NBEA: variants seen among roughly 807,000 people sequenced by gnomAD.
NBEA encodes the protein lysosomal-trafficking regulator 2.
A neutral mutation model predicts 343.4 loss-of-function variants in NBEA; 44 were observed. The ratio of observed to expected loss-of-function variants is 0.13; its 90% CI spans 0.10 to 0.16. The LOEUF is 0.16. NBEA is among the 10% of genes least tolerant of loss of function. The pLI, the probability that NBEA is intolerant of heterozygous loss-of-function variation, is 1.00. For missense variants in NBEA, 2,555 were observed against 3,631.3 expected (o/e 0.70, Z 7.62); for synonymous variants, 1,175 against 1,238.7 (o/e 0.95, Z 1.08).
chr13:35,319,729 T>G (rs965535163), intron 36 of NBEA, among the ~76,000 whole-genome samples: 2 of 152,172 alleles, frequency 1.3e-5, no homozygotes, highest in Non-Finnish European at 2.9e-5. Context: ...GGAGTCTAAG[T>G]CTCTTTGTAA....
At chr13:35,358,084 C>T (rs933904268) in intron 38 of NBEA, among the ~76,000 whole-genome samples, 14 of 152,044 alleles carry the variant, frequency 9.2e-5, no homozygotes, top group African/African-American at 3.4e-4. Context: ...TTCAGTGGCA[C>T]GATCTCGGCT....
intron 1 of NBEA, among the ~76,000 whole-genome samples, chr13:34,951,962 A>G (rs755897198): frequency 6.6e-6 from 1 of 152,240 alleles, no homozygotes. Flanking sequence ...AACTATTTAC[A>G]GTACACTTGC....
intron 49 of NBEA, among the ~76,000 whole-genome samples, chr13:35,640,137 G>A (rs913981810): frequency 1.3e-5 from 2 of 152,144 alleles, no homozygotes; most frequent in Non-Finnish European, 2.9e-5. Flanking sequence ...TACCTTAGTA[G>A]GAAGTCTTTT....
chr13:35,085,929 TAC>T (rs1182218907), intron 10 of NBEA, among the ~76,000 whole-genome samples: 3 of 152,134 alleles, frequency 2.0e-5, no homozygotes, highest in Non-Finnish European at 4.4e-5. Context: ...AGCATTCTTA[TAC>T]ACCAATAACA....
chr13:35,578,143 C>T (rs577320318), intron 45 of NBEA, among the ~76,000 whole-genome samples: 1 of 152,194 alleles, frequency 6.6e-6, no homozygotes, highest in Non-Finnish European at 1.5e-5. Context: ...AGAAGCCAGA[C>T]AAATGAGTCA....
At chr13:35,312,051 G>A (rs1189611576) in intron 36 of NBEA, among the ~76,000 whole-genome samples, 2 of 152,144 alleles carry the variant, frequency 1.3e-5, no homozygotes, top group East Asian at 3.9e-4. Context: ...TGCAGCAAAT[G>A]TCTGTTCAAC....
intron 41 of NBEA, among the ~76,000 whole-genome samples, chr13:35,489,499 C>G (rs557935389): frequency 4.0e-5 from 6 of 151,896 alleles, no homozygotes; most frequent in Non-Finnish European, 7.4e-5. Context: ...ATGCTCTTCT[C>G]TGATCCCTAA....
intron 16 of NBEA, among the ~76,000 whole-genome samples, chr13:35,121,625 T>C (rs1367369489): frequency 1.3e-5 from 2 of 152,094 alleles, no homozygotes; most frequent in East Asian, 3.8e-4. Flanking sequence ...AAAAAAAATC[T>C]TCCAAAGGAA....
At chr13:35,557,030 A>AT (rs145256589) in intron 44 of NBEA, among the ~76,000 whole-genome samples, 3,991 of 151,838 alleles carry the variant, frequency 0.026, 177 homozygotes, top group African/African-American at 0.091. Context: ...CCATTAGGTG[A>AT]TTTTTTTTCC....
At chr13:35,063,501 T>C (rs1380162034) in intron 8 of NBEA, among the ~76,000 whole-genome samples, 2 of 151,968 alleles carry the variant, frequency 1.3e-5, no homozygotes, top group Non-Finnish European at 2.9e-5. Flanking sequence ...TAAAGAACAT[T>C]GTGACTGTTT....
chr13:34,987,014 A>G (rs1011372248), intron 1 of NBEA, among the ~76,000 whole-genome samples: 1 of 150,876 alleles, frequency 6.6e-6, no homozygotes, highest in African/African-American at 2.4e-5. Flanking sequence ...ATTTACATTT[A>G]AGGTTAATAT....
At position 35,157,274 on chromosome 13, in the gene NBEA, A is replaced by G; in HGVS notation, c.2844+4A>G. On this transcript the variant is annotated splice_donor_region_variant and intron_variant, in intron 21 of 58. Coordinates refer to ENST00000379939, the MANE Select transcript of NBEA (RefSeq NM_001385012.1). ...CCTCTCAATAGCCCATTCCAAGGTAACACGGGATTTAACATTTTAACATCA... is the reference window on the plus strand; with the variant it reads ...CCTCTCAATAGCCCATTCCAAGGTAGCACGGGATTTAACATTTTAACATCA... 1 of 1,532,114 alleles carries G rather than the reference A, an allele frequency of 6.5e-7. No individual in the cohort carries two copies. Among genetic ancestry groups the G allele is most frequent in the Admixed American group, 2.0e-5 (1 of 49,206 alleles). The allele number at this position is 1,532,114 out of a possible 1,614,324, so 94.9% of individuals were successfully genotyped here. A position where few individuals can be genotyped will look rare whatever the true frequency, so the allele number is the denominator to read the frequency against.
At chr13:35,540,947 C>CA (rs1011160947) in intron 41 of NBEA, among the ~76,000 whole-genome samples, 3 of 152,134 alleles carry the variant, frequency 2.0e-5, no homozygotes, top group African/African-American at 7.2e-5. Context: ...GTCCAAATAG[C>CA]GTCTACCTTG....
At chr13:35,578,663 T>C (rs2080863815) in intron 45 of NBEA, among the ~76,000 whole-genome samples, 1 of 152,186 alleles carries the variant, frequency 6.6e-6, no homozygotes, top group East Asian at 1.9e-4. Flanking sequence ...AGAAAATGGA[T>C]GTGAAGACAA....
chr13:35,422,882 A>G (rs1272042523), intron 38 of NBEA, among the ~76,000 whole-genome samples: 2 of 152,052 alleles, frequency 1.3e-5, no homozygotes, highest in Non-Finnish European at 2.9e-5. Context: ...TTTGATTTGC[A>G]TTTCTCTGAT....
chr13:35,055,179 A>G (rs569261131), intron 6 of NBEA, among the ~76,000 whole-genome samples: 14 of 152,208 alleles, frequency 9.2e-5, no homozygotes, highest in Admixed American at 6.5e-4. Context: ...CAGAAAGCAT[A>G]CTTGTTCAAA....
chr13:35,589,924 C>T lies in NBEA; in HGVS notation c.7177-3404C>T, dbSNP rs144461306. On this transcript the variant is annotated intron_variant, in intron 46 of 58. Transcript: ENST00000379939. Reference sequence around the variant, plus strand: ...TGGCCATTTATATTGCAGGACCTAACCTGAACTTTGTAAAGACTAACGAGT... The same window carrying T: ...TGGCCATTTATATTGCAGGACCTAATCTGAACTTTGTAAAGACTAACGAGT... Among the ~76,000 whole-genome samples, 249 of 152,158 alleles carry T rather than the reference C, an allele frequency of 1.6e-3. 1 individual carries two copies. Among genetic ancestry groups the T allele is most frequent in the African/African-American group, 5.4e-3 (226 of 41,546 alleles).
intron 47 of NBEA, among the ~76,000 whole-genome samples, chr13:35,597,466 A>G (rs1457546436): frequency 6.6e-5 from 10 of 152,188 alleles, no homozygotes; most frequent in Admixed American, 6.6e-5. Flanking sequence ...TAAGCATGCA[A>G]TCTAGTGTCT....
In NBEA at chr13:35,110,311, C is replaced by T. The variant is rs2066138480; in HGVS notation, c.1834-499C>T. Among the ~76,000 whole-genome samples, 5 of 151,104 alleles carry T rather than the reference C, an allele frequency of 3.3e-5. No homozygotes were observed. In the Admixed American group the frequency reaches 3.3e-4, roughly 10 times the overall value. ...GTGTCTGACATGCCATCTCTATGCTCACATGGTCAGATTGTGAAAGCGAAC... is the reference window on the plus strand; with the variant it reads ...GTGTCTGACATGCCATCTCTATGCTTACATGGTCAGATTGTGAAAGCGAAC... On this transcript the variant is annotated intron_variant, in intron 12 of 58. Coordinates refer to ENST00000379939, the MANE Select transcript of NBEA (RefSeq NM_001385012.1).
Sources: allele counts gnomAD v4.1 joint callset (sites outside exome capture counted in the v4.1 genomes callset), GRCh38; gene constraint gnomAD v4.1.1; transcripts MANE v1.5; gene names NCBI Gene and HGNC (gene_info 2026-07-23, HGNC 2026-07-21).